TMEM44: variants seen among roughly 807,000 people sequenced by gnomAD.
TMEM44 encodes the protein transmembrane protein 44.
TMEM44 carries 43 observed loss-of-function variants against 47.8 expected under a neutral mutation model. The ratio of observed to expected loss-of-function variants is 0.90; its 90% confidence interval spans 0.70 to 1.16. TMEM44 has a LOEUF of 1.16. TMEM44 is among the 50% of genes most tolerant of loss of function. The pLI is 0.00. For missense variants in TMEM44, 568 were observed against 555.2 expected (o/e 1.02, Z -0.23); for synonymous variants, 277 against 238.8 (o/e 1.16, Z -1.48).
intron 8 of TMEM44, among the ~76,000 whole-genome samples, chr3:194,610,453 G>GA (rs1170700462): frequency 6.6e-6 from 1 of 152,022 alleles, no homozygotes; most frequent in African/African-American, 2.4e-5. Flanking sequence ...TTTCATAAAG[G>GA]AAATTTCCAT....
chr3:194,596,806 GC>G (rs1427075751), intron 9 of TMEM44: 1 of 152,232 alleles, frequency 6.6e-6, no homozygotes, highest in Non-Finnish European at 1.5e-5. Flanking sequence ...CCCCTGCACA[GC>G]CCGTTTCCCT....
chr3:194,624,978 A>C (rs1716983597), intron 3 of TMEM44, among the ~76,000 whole-genome samples: 3 of 151,954 alleles, frequency 2.0e-5, no homozygotes, highest in Admixed American at 2.0e-4. Context: ...CAGCCTCCCA[A>C]AGTGCTGGGA....
Position 194,629,539 on chromosome 3 carries a change from C to T in TMEM44, c.138-1030G>A, listed in dbSNP as rs983586406. On this transcript the variant is annotated intron_variant, in intron 1 of 9. Coordinates refer to ENST00000347147, the MANE Select transcript of TMEM44 (RefSeq NM_001011655.3). ...TCCCGAAGGGGCTGGCTGTATCTAT[C>T]GGCGTCACTGATAGGGCCTCTGAAA... Among the ~76,000 whole-genome samples the T allele has an allele frequency of 3.3e-5, 5 of 152,242 alleles. 1 individual carries two copies. Among genetic ancestry groups the T allele is most frequent in the South Asian group, 2.1e-4 (1 of 4,824 alleles).
chr3:194,609,144 A>G (rs1469784709), intron 8 of TMEM44, among the ~76,000 whole-genome samples: 2 of 152,186 alleles, frequency 1.3e-5, no homozygotes, highest in African/African-American at 2.4e-5. Context: ...CGGTCTGGGC[A>G]TGGAAATCCA....
intron 5 of TMEM44, among the ~76,000 whole-genome samples, chr3:194,620,938 AT>A (rs1399839869): frequency 2.0e-5 from 3 of 151,910 alleles, no homozygotes; most frequent in African/African-American, 7.3e-5. Flanking sequence ...GAGGCACAGA[AT>A]CACTGGAACC....
chr3:194,606,668 G>A (rs1050742940), intron 8 of TMEM44, among the ~76,000 whole-genome samples: 80 of 152,186 alleles, frequency 5.3e-4, no homozygotes, highest in African/African-American at 1.8e-3. Flanking sequence ...GGCCAGGCAC[G>A]GTGGCTCACA....
chr3:194,591,749 G>A (rs1712751958), intron 9 of TMEM44, among the ~76,000 whole-genome samples: 1 of 151,710 alleles, frequency 6.6e-6, no homozygotes, highest in Non-Finnish European at 1.5e-5. Context: ...GGGACCACAG[G>A]TACACACCAC....
chr3:194,592,913 T>G (rs1328147488), intron 9 of TMEM44: 4 of 1,203,910 alleles, frequency 3.3e-6, no homozygotes, highest in Non-Finnish European at 4.9e-6. Flanking sequence ...GCGCCTGGCC[T>G]GACATTCTTT....
At chr3:194,633,016 G>C (rs1441362091) in intron 1 of TMEM44, 63 bp downstream of exon 1, 3 of 1,519,630 alleles carry the variant, frequency 2.0e-6, no homozygotes, top group Non-Finnish European at 2.7e-6. Flanking sequence ...TTCCGAGAGG[G>C]AGCAGCAGGG....
At position 194,612,689 on chromosome 3, in the gene TMEM44, G is replaced by C. The variant is rs180737124; in HGVS notation, c.913-1669C>G. ...TATTCAAGTCCTTTTTTTTGAGACG[G>C]AGTCTCGCTCTGTCGCCCAGGCTGG... is the stretch of plus-strand genomic sequence containing the variant. On this transcript the variant is annotated intron_variant, in intron 7 of 9. Coordinates refer to ENST00000347147, the MANE Select transcript of TMEM44 (RefSeq NM_001011655.3). Among the ~76,000 whole-genome samples, 159 of 151,950 alleles carry C rather than the reference G, an allele frequency of 1.0e-3. 1 individual carries two copies. The highest frequency in any genetic ancestry group is 1.9e-3 in the Non-Finnish European group (127 of 67,954).
At position 194,628,514 on chromosome 3, in the gene TMEM44, G is replaced by A. The variant is rs757924251; in HGVS notation, c.138-5C>T. On this transcript the variant is annotated splice_region_variant and splice_polypyrimidine_tract_variant and intron_variant, in intron 1 of 9. Transcript: ENST00000347147. ...GCACATCTCAGATAGAGAAGCCTGG[G>A]GTGACAGGGGTGTGGACAGAACACA... The A allele has an allele frequency of 6.2e-6, 10 of 1,611,130 alleles. No individual in the cohort carries two copies. In the Admixed American group the frequency reaches 1.7e-4, roughly 27 times the overall value.
intron 8 of TMEM44, among the ~76,000 whole-genome samples, chr3:194,606,640 AT>A (rs888805177): frequency 6.6e-6 from 1 of 152,128 alleles, no homozygotes; most frequent in Non-Finnish European, 1.5e-5. Flanking sequence ...TGTTAATAAA[AT>A]AATAATAATA....
intron 9 of TMEM44, among the ~76,000 whole-genome samples, chr3:194,594,905 G>A (rs1190437172): frequency 6.6e-6 from 1 of 152,118 alleles, no homozygotes; most frequent in East Asian, 1.9e-4. Context: ...GGAATAGTCA[G>A]TATTTTTAAA....
chr3:194,612,873 C>T (rs1233035188), intron 7 of TMEM44, among the ~76,000 whole-genome samples: 1 of 151,820 alleles, frequency 6.6e-6, no homozygotes, highest in African/African-American at 2.4e-5. Context: ...ACTGTGGTCT[C>T]GATCTCCTGA....
rs761276252 is a variant in TMEM44 at position 194,623,623 on chromosome 3, C to T, written c.431G>A (p.Ser144Asn). ...CCACAGAGCCCAGCACGGGCCCAGG[C>T]TCAGCGGCAGGGCCAGGGCAAACAC... ...ASVFALALPL[S>N]LGPCWALWVA... The change falls in exon 4 of 10, where the codon AGC becomes AAC. Residue 144 changes from serine to asparagine, a missense_variant. By Grantham distance (46) the Ser-to-Asn change is conservative. Transcript: ENST00000347147. 4.3e-6 allele frequency: 7 copies of T among 1,612,970 alleles called. No homozygotes were observed. Among genetic ancestry groups the T allele is most frequent in the Non-Finnish European group, 5.1e-6 (6 of 1,179,914 alleles).
At chr3:194,618,588 T>A (rs920168389) in intron 5 of TMEM44, among the ~76,000 whole-genome samples, 15 of 148,480 alleles carry the variant, frequency 1.0e-4, no homozygotes, top group Admixed American at 1.4e-4. Flanking sequence ...TTTATATATA[T>A]AATTCAGTTT....
chr3:194,611,590 C>T lies in TMEM44; in HGVS notation c.913-570G>A, dbSNP rs537802752. On this transcript the variant is annotated intron_variant, in intron 7 of 9. Transcript: ENST00000347147. This position sits in a 1 kb window ranked among gnomAD's most constrained non-coding sequence, Gnocchi z 4.2. ...TATGAGATGTAACCGGGAAGTGGAT[C>T]GTTTAAACGCGCCCCAGATGATTCT... Among the ~76,000 whole-genome samples, 4 of 152,306 alleles carry T rather than the reference C, an allele frequency of 2.6e-5. No homozygotes were observed. The highest frequency in any genetic ancestry group is 6.5e-5 in the Admixed American group (1 of 15,286).
chr3:194,623,143 C>G, intron 5 of TMEM44, 81 bp downstream of exon 5: 2 of 1,388,502 alleles, frequency 1.4e-6, no homozygotes, highest in East Asian at 2.5e-5. Flanking sequence ...CACACCTCCG[C>G]CCCATGACCC....
intron 9 of TMEM44, among the ~76,000 whole-genome samples, chr3:194,595,790 T>C (rs1216671915): frequency 6.6e-6 from 1 of 152,004 alleles, no homozygotes; most frequent in Admixed American, 6.6e-5. Flanking sequence ...CATGCCAGGC[T>C]CATTTTTTGT....
Sources: allele counts gnomAD v4.1 joint callset (sites outside exome capture counted in the v4.1 genomes callset), GRCh38; gene constraint gnomAD v4.1.1; non-coding constraint Gnocchi (gnomAD v3.1); transcripts MANE v1.5; gene names NCBI Gene and HGNC (gene_info 2026-07-23, HGNC 2026-07-21).